Variants in TUFT1 observed in about 807,000 individuals in gnomAD.
The protein encoded by TUFT1 is tuftelin 1, also known as tuftelin.
In TUFT1, 43 loss-of-function variants were observed where a neutral mutation model predicts 57.8. The observed-to-expected ratio is 0.74, with a 90% CI of 0.58 to 0.96. The LOEUF (loss-of-function observed/expected upper bound fraction) is 0.96, where lower values mean the gene tolerates loss of function less well. TUFT1 is among the 40% of genes least tolerant of loss of function. TUFT1 has a pLI of 0.00. For synonymous variants in TUFT1, 166 were observed against 176.7 expected, an observed-to-expected ratio of 0.94 and a Z score of 0.48; for missense variants, 459 against 489.0, an observed-to-expected ratio of 0.94 and a Z score of 0.58.
intron 4 of TUFT1, among the ~76,000 whole-genome samples, chr1:151,564,222 A>G (rs909788538): frequency 2.0e-5 from 3 of 152,140 alleles, no homozygotes; most frequent in Non-Finnish European, 4.4e-5. Context: ...CCACCTATCG[A>G]AAATTACCAG....
intron 9 of TUFT1, 90 bp downstream of exon 9, chr1:151,575,095 C>T: frequency 8.5e-7 from 1 of 1,178,086 alleles, no homozygotes; most frequent in Non-Finnish European, 1.2e-6. Context: ...GTGGCCTGGT[C>T]TGGGGAGGAA....
chr1:151,541,108 G>T (rs533305817), intron 1 of TUFT1, among the ~76,000 whole-genome samples: 46 of 152,066 alleles, frequency 3.0e-4, no homozygotes, highest in African/African-American at 1.1e-3. Flanking sequence ...TCTGCCTGCC[G>T]ATAGCTTCCT....
At chr1:151,550,958 C>G (rs1238447075) in intron 1 of TUFT1, among the ~76,000 whole-genome samples, 1 of 152,126 alleles carries the variant, frequency 6.6e-6, no homozygotes, top group African/African-American at 2.4e-5. Context: ...AATTTGTTTT[C>G]TTGTCAGTGG....
rs969096331 is a variant in TUFT1, at chr1:151,581,686, C to A, written c.1152C>A (p.Val384=). 4 of 1,614,194 alleles carry A rather than the reference C, an allele frequency of 2.5e-6. No homozygotes were observed. The East Asian group carries it at 8.9e-5, about 36-fold the overall frequency. ...CGCCTAGCCCGAAGCCCATGCCTGTCATCCGAGTGGTGGAAACCTGAGCTG... is the reference window on the plus strand; with the variant it reads ...CGCCTAGCCCGAAGCCCATGCCTGTAATCCGAGTGGTGGAAACCTGAGCTG... The part of the protein sequence containing the change: ...SKPPSPKPMP[V]IRVVET The change falls in exon 13 of 13, where the codon GTC becomes GTA. Residue 384 remains valine, a synonymous_variant. Transcript: ENST00000368849.
chr1:151,575,079 C>T, intron 9 of TUFT1, 74 bp downstream of exon 9: 1 of 1,296,750 alleles, frequency 7.7e-7, no homozygotes, highest in Non-Finnish European at 1.1e-6. Context: ...GCCTGTTGCT[C>T]CTGTGGTGGC....
At chr1:151,570,695 A>G (rs1666227845) in intron 7 of TUFT1, among the ~76,000 whole-genome samples, 1 of 152,056 alleles carries the variant, frequency 6.6e-6, no homozygotes, top group Non-Finnish European at 1.5e-5. Context: ...AGTATAAAAC[A>G]AGGTACATGG....
chr1:151,543,188 C>G (rs1479566894), intron 1 of TUFT1, among the ~76,000 whole-genome samples: 4 of 152,160 alleles, frequency 2.6e-5, no homozygotes, highest in African/African-American at 9.7e-5. Flanking sequence ...TTTTTCAGAA[C>G]TGCAGACCAT....
intron 9 of TUFT1, among the ~76,000 whole-genome samples, chr1:151,577,210 G>T (rs1326250067): frequency 1.3e-5 from 2 of 152,206 alleles, no homozygotes; most frequent in Non-Finnish European, 2.9e-5. Flanking sequence ...TTTGTTTAGG[G>T]TTCTTGTGGC....
At chr1:151,554,589 G>A (rs1416583145) in intron 1 of TUFT1, among the ~76,000 whole-genome samples, 1 of 147,596 alleles carries the variant, frequency 6.8e-6, no homozygotes, top group African/African-American at 2.5e-5. Flanking sequence ...TAGTAGAGAT[G>A]GGGTTTCAAC....
chr1:151,547,353 C>T (rs1180755115), intron 1 of TUFT1, among the ~76,000 whole-genome samples: 1 of 152,178 alleles, frequency 6.6e-6, no homozygotes, highest in Non-Finnish European at 1.5e-5. Flanking sequence ...CAGTTCCAGA[C>T]ACGTGTGCTC....
At chr1:151,561,788 A>C (rs1308019090) in intron 1 of TUFT1, 1 of 1,384,266 alleles carries the variant, frequency 7.2e-7, no homozygotes, top group East Asian at 3.8e-5. Flanking sequence ...AGAAGAATGC[A>C]TGCAATGTGT....
chr1:151,568,626 C>T (rs1187993508), intron 6 of TUFT1, among the ~76,000 whole-genome samples: 1 of 152,202 alleles, frequency 6.6e-6, no homozygotes, highest in Non-Finnish European at 1.5e-5. Context: ...GGGAAATTGA[C>T]TGGATAACTC....
intron 4 of TUFT1, 36 bp downstream of exon 4, chr1:151,564,026 C>A: frequency 1.3e-6 from 2 of 1,510,202 alleles, no homozygotes; most frequent in Non-Finnish European, 1.8e-6. Flanking sequence ...GTGCCTAGGT[C>A]ATTTCTCTAA....
At chr1:151,569,608 G>A in intron 6 of TUFT1, 49 bp from the exon 7 acceptor site, 2 of 1,513,864 alleles carry the variant, frequency 1.3e-6, no homozygotes, top group South Asian at 1.1e-5. Flanking sequence ...TTTTCTTACT[G>A]AGTCAGAAAC....
chr1:151,565,975 T>C, intron 5 of TUFT1, 188 bp from the exon 6 acceptor site: 2 of 495,928 alleles, frequency 4.0e-6, no homozygotes, highest in African/African-American at 1.9e-5. Flanking sequence ...TCCTTCTTCC[T>C]CTTCTCCTTT....
Position 151,543,327 on chromosome 1 carries a change from A to G in TUFT1, c.60+2901A>G, listed in dbSNP as rs112026350. 9.7e-4 allele frequency among the ~76,000 whole-genome samples: 142 copies of G among 146,852 alleles called. 1 individual carries two copies. Among genetic ancestry groups the G allele is most frequent in the Middle Eastern group, 3.5e-3 (1 of 284 alleles). On this transcript the variant is annotated intron_variant, in intron 1 of 12. Coordinates refer to ENST00000368849, the MANE Select transcript of TUFT1 (RefSeq NM_020127.3). ...GAACTTTTATTTCAGTTATATATAT[A>G]TGTGTGTGTGTGTGTGTGTGTGTGT... is the stretch of plus-strand genomic sequence containing the variant.
At chr1:151,548,080 C>T (rs1315852770) in intron 1 of TUFT1, among the ~76,000 whole-genome samples, 1 of 152,118 alleles carries the variant, frequency 6.6e-6, no homozygotes, top group Non-Finnish European at 1.5e-5. Context: ...CACAAAGGGC[C>T]ATCTCTGGCC....
chr1:151,549,465 C>T (rs536090573), intron 1 of TUFT1, among the ~76,000 whole-genome samples: 2 of 152,316 alleles, frequency 1.3e-5, no homozygotes, highest in African/African-American at 4.8e-5. Flanking sequence ...AGACAATTTA[C>T]CTCATCCACC....
At chr1:151,561,755 A>G (rs764650212) in intron 1 of TUFT1, 32 of 1,326,412 alleles carry the variant, frequency 2.4e-5, no homozygotes, top group Non-Finnish European at 3.0e-5. Context: ...CAGTCCAGGA[A>G]TGACCTCTCT....
Sources: allele counts gnomAD v4.1 joint callset (sites outside exome capture counted in the v4.1 genomes callset), GRCh38; gene constraint gnomAD v4.1.1; transcripts MANE v1.5; gene names NCBI Gene and HGNC (gene_info 2026-07-23, HGNC 2026-07-21).